FDFT1: variants seen among roughly 807,000 people sequenced by gnomAD.
FDFT1 encodes the protein squalene synthase.
In FDFT1, 68 loss-of-function variants were observed where a neutral mutation model predicts 46.8. The ratio of observed to expected loss-of-function variants is 1.45; its 90% CI spans 1.19 to 1.78. The LOEUF (loss-of-function observed/expected upper bound fraction) is 1.78, where lower values mean the gene tolerates loss of function less well. FDFT1 is among the 40% of genes most tolerant of loss of function. FDFT1 has a pLI of 0.00. For synonymous variants in FDFT1, 351 were observed against 185.1 expected (o/e 1.90, Z -7.28); for missense variants, 928 against 524.4 (o/e 1.77, Z -7.52).
intron 5 of FDFT1, among the ~76,000 whole-genome samples, chr8:11,829,372 A>T (rs969790484): frequency 2.6e-5 from 4 of 152,330 alleles, no homozygotes; most frequent in African/African-American, 9.6e-5. Context: ...GCCGAATCCC[A>T]CTGTTAGAAT....
intron 3 of FDFT1, among the ~76,000 whole-genome samples, chr8:11,812,356 G>A (rs1045463471): frequency 7.2e-5 from 11 of 152,232 alleles, no homozygotes; most frequent in Admixed American, 7.2e-4. Context: ...CTGAGTGATG[G>A]CCAAGGGCTG....
At chr8:11,796,407 C>A (rs28391704) in intron 1 of FDFT1, among the ~76,000 whole-genome samples, 3,803 of 152,234 alleles carry the variant, frequency 0.025, 152 homozygotes, top group African/African-American at 0.086. Flanking sequence ...ACAGAAAGTT[C>A]AGGTTGGGAG....
chr8:11,802,053 C>A (rs560910483), upstream of FDFT1: 1 of 455,726 alleles, frequency 2.2e-6, no homozygotes, highest in Non-Finnish European at 4.4e-6. Context: ...ATTCCTGTTA[C>A]AGGCTCTCTA....
intron 2 of FDFT1, chr8:11,809,102 A>G (rs932074845): frequency 1.6e-6 from 2 of 1,277,274 alleles, no homozygotes; most frequent in African/African-American, 3.1e-5. Context: ...AGCCTTTCAG[A>G]GAAGAGGGGG....
chr8:11,825,649 T>A (rs1809860922), intron 4 of FDFT1, among the ~76,000 whole-genome samples: 1 of 151,650 alleles, frequency 6.6e-6, no homozygotes, highest in African/African-American at 2.4e-5. Flanking sequence ...GTCCAGTAGT[T>A]TGAGTCTAAC....
In FDFT1 at chr8:11,802,778, G is replaced by A. The variant is rs548656634; in HGVS notation, c.-55G>A. ...CCACAGGTCCAGCCGGCCGGTGAGCGCCTGGGGACCGCAGAGGTGAGAGTC... is the reference window on the plus strand; with the variant it reads ...CCACAGGTCCAGCCGGCCGGTGAGCACCTGGGGACCGCAGAGGTGAGAGTC... On this transcript the variant is annotated 5_prime_UTR_variant, in exon 1 of 8. Transcript: ENST00000220584. 1.1e-5 allele frequency: 16 copies of A among 1,414,704 alleles called. No individual in the cohort carries two copies. The highest frequency in any genetic ancestry group is 1.6e-5 in the Non-Finnish European group (16 of 1,015,554). The allele number at this position is 1,414,704 out of a possible 1,614,324, so 87.6% of individuals were successfully genotyped here.
chr8:11,825,913 C>T lies in FDFT1; in HGVS notation c.511-111C>T, dbSNP rs527499781. 7.2e-6 allele frequency: 4 copies of T among 556,244 alleles called. No individual in the cohort carries two copies. The East Asian group carries it at 1.2e-4, about 17-fold the overall frequency. The allele number at this position is 556,244 out of a possible 1,614,324, so 34.5% of individuals were successfully genotyped here. A position where few individuals can be genotyped will look rare whatever the true frequency, so the allele number is the denominator to read the frequency against. On this transcript the variant is annotated intron_variant, in intron 4 of 7. Transcript: ENST00000220584. ...ATATTTGTATTTTAAAATCAAAATG[C>T]ATTCTTACCCATTCTCTTTTGAACC... is the stretch of plus-strand genomic sequence containing the variant.
chr8:11,828,318 CAAAA>C (rs1228964516), intron 5 of FDFT1, among the ~76,000 whole-genome samples: 1 of 152,034 alleles, frequency 6.6e-6, no homozygotes, highest in Non-Finnish European at 1.5e-5. Context: ...AACAAAAAAA[CAAAA>C]AACACTTCCC....
intron 1 of FDFT1, among the ~76,000 whole-genome samples, chr8:11,805,419 A>G (rs1030618219): frequency 2.0e-5 from 3 of 152,208 alleles, no homozygotes; most frequent in Non-Finnish European, 4.4e-5. Flanking sequence ...AGAGTAATGG[A>G]AAGAGCAGGC....
intron 7 of FDFT1, among the ~76,000 whole-genome samples, chr8:11,835,897 G>A (rs1138666): frequency 0.13 from 20,057 of 150,118 alleles, 1,452 homozygotes; most frequent in Middle Eastern, 0.16. Flanking sequence ...ACTTTGGGAG[G>A]CTGAGGCAGG....
intron 3 of FDFT1, among the ~76,000 whole-genome samples, chr8:11,814,507 C>T (rs1320275163): frequency 1.3e-5 from 2 of 152,090 alleles, no homozygotes; most frequent in Admixed American, 6.6e-5. Context: ...AATGTTTAAC[C>T]AAATCTCTTC....
chr8:11,808,543 A>G, intron 1 of FDFT1: 1 of 1,339,960 alleles, frequency 7.5e-7, no homozygotes, highest in Non-Finnish European at 9.5e-7. Flanking sequence ...TGCGGCACCA[A>G]GGCCATGGCC....
intron 3 of FDFT1, 73 bp downstream of exon 3, chr8:11,809,923 C>T (rs540880103): frequency 1.5e-5 from 18 of 1,171,212 alleles, no homozygotes; most frequent in African/African-American, 1.2e-4. Flanking sequence ...CGGTAGCCTC[C>T]ATACATGTGG....
chr8:11,821,785 CCAAA>C lies in FDFT1; in HGVS notation c.420_423del (p.Thr141Ter). ...AGTTTAGAAATCTGGCTGAGAAATA[CCAAA>C]CAGTGATTGCCGACATTTGCCGGAG... is the stretch of plus-strand genomic sequence containing the variant. On this transcript the variant is annotated frameshift_variant, in exon 4 of 8. Coordinates refer to ENST00000220584, the MANE Select transcript of FDFT1 (RefSeq NM_004462.5). LOFTEE classifies it high-confidence loss of function. 1 of 1,613,512 alleles carries C rather than the reference CCAAA, an allele frequency of 6.2e-7. No individual in the cohort carries two copies. The highest frequency in any genetic ancestry group is 1.1e-5 in the South Asian group (1 of 91,074).
At chr8:11,809,602 T>A in intron 2 of FDFT1, 65 bp from the exon 3 acceptor site, 1 of 1,480,484 alleles carries the variant, frequency 6.8e-7, no homozygotes, top group Non-Finnish European at 9.1e-7. Context: ...AGGCACAAGT[T>A]ATTTTAAAAT....
intron 3 of FDFT1, among the ~76,000 whole-genome samples, chr8:11,820,675 G>A (rs572957263): frequency 1.3e-5 from 2 of 152,200 alleles, no homozygotes; most frequent in Non-Finnish European, 2.9e-5. Flanking sequence ...GACCCCCCGA[G>A]CCAGGCACTG....
chr8:11,813,247 T>C (rs1807983497), intron 3 of FDFT1, among the ~76,000 whole-genome samples: 1 of 152,206 alleles, frequency 6.6e-6, no homozygotes, highest in South Asian at 2.1e-4. Context: ...CACCTGGTAC[T>C]AGTGGAAAGC....
At chr8:11,832,660 C>T (rs923509147) in intron 7 of FDFT1, among the ~76,000 whole-genome samples, 3 of 150,530 alleles carry the variant, frequency 2.0e-5, no homozygotes, top group African/African-American at 4.9e-5. Context: ...GATTTGCTCC[C>T]CTCCCCCCAG....
chr8:11,802,741 G>C lies in FDFT1; in HGVS notation c.-92G>C, dbSNP rs1257638320. 4 of 984,768 alleles carry C rather than the reference G, an allele frequency of 4.1e-6. No homozygotes were observed. The highest frequency in any genetic ancestry group is 6.3e-6 in the Non-Finnish European group (4 of 638,088). The allele number at this position is 984,768 out of a possible 1,614,324, so 61.0% of individuals were successfully genotyped here. A position where few individuals can be genotyped will look rare whatever the true frequency, so the allele number is the denominator to read the frequency against. On this transcript the variant is annotated 5_prime_UTR_variant, in exon 1 of 8. Coordinates refer to ENST00000220584, the MANE Select transcript of FDFT1 (RefSeq NM_004462.5). Reference sequence around the variant, plus strand: ...CTGCCCCCTGTCCGGCCAGCCCCTCGAAGCACCTACTCCACAGGTCCAGCC... The same window carrying C: ...CTGCCCCCTGTCCGGCCAGCCCCTCCAAGCACCTACTCCACAGGTCCAGCC...
Sources: allele counts gnomAD v4.1 joint callset (sites outside exome capture counted in the v4.1 genomes callset), GRCh38; gene constraint gnomAD v4.1.1; transcripts MANE v1.5; gene names NCBI Gene and HGNC (gene_info 2026-07-23, HGNC 2026-07-21).